Variants in POU6F2 observed in about 807,000 individuals in gnomAD.
POU6F2 encodes POU domain, class 6, transcription factor 2.
In POU6F2, 31 loss-of-function variants were observed where a neutral mutation model predicts 71.3. The ratio of observed to expected loss-of-function variants is 0.43; its 90% CI spans 0.33 to 0.59. The LOEUF (loss-of-function observed/expected upper bound fraction) is 0.59. Ranked by LOEUF, POU6F2 falls within the 20% of genes least tolerant of loss-of-function variation. The probability of loss-of-function intolerance (pLI) is 0.04; values close to 1 mark genes in which losing one functional copy is unlikely to be tolerated. For missense variants in POU6F2, 783 were observed against 856.8 expected (o/e 0.91, Z 1.07); for synonymous variants, 347 against 355.7 (o/e 0.98, Z 0.27).
At chr7:39,311,111 C>G (rs1048044103) in intron 4 of POU6F2, among the ~76,000 whole-genome samples, 5 of 151,890 alleles carry the variant, frequency 3.3e-5, no homozygotes, top group Admixed American at 1.3e-4. Context: ...GTGGCTGTCT[C>G]CTCCTCCTCA....
At chr7:39,226,893 G>A (rs981813461) in intron 4 of POU6F2, among the ~76,000 whole-genome samples, 5 of 152,114 alleles carry the variant, frequency 3.3e-5, no homozygotes, top group African/African-American at 4.8e-5. Context: ...AATGAGTTGC[G>A]GGCTTAATTT....
chr7:39,230,032 CA>C (rs1794546288), intron 4 of POU6F2, among the ~76,000 whole-genome samples: 2 of 152,188 alleles, frequency 1.3e-5, no homozygotes, highest in African/African-American at 2.4e-5. Context: ...GAGATTTTTC[CA>C]AAATAATAAA....
At chr7:38,999,845 G>A (rs570936905) in intron 1 of POU6F2, among the ~76,000 whole-genome samples, 11 of 152,208 alleles carry the variant, frequency 7.2e-5, no homozygotes, top group African/African-American at 2.6e-4. Flanking sequence ...TTTTGAAAAG[G>A]GGATCAATTC....
intron 1 of POU6F2, among the ~76,000 whole-genome samples, chr7:38,996,551 C>T (rs1164285280): frequency 3.9e-5 from 6 of 152,134 alleles, no homozygotes; most frequent in African/African-American, 1.4e-4. Flanking sequence ...CAGCCTTGAC[C>T]ACTTTTTTAG....
intron 1 of POU6F2, among the ~76,000 whole-genome samples, chr7:39,047,653 T>A (rs774254557): frequency 6.6e-6 from 1 of 151,862 alleles, no homozygotes; most frequent in African/African-American, 2.4e-5. Context: ...ACAAAAAAAA[T>A]TGTTTTTGAC....
intron 5 of POU6F2, among the ~76,000 whole-genome samples, chr7:39,347,932 C>T (rs1786061786): frequency 7.0e-6 from 1 of 143,354 alleles, no homozygotes; most frequent in South Asian, 2.2e-4. Flanking sequence ...GTGCCCAGCC[C>T]ATCAATATTA....
chr7:39,289,629 TCAA>T (rs1034187361), intron 4 of POU6F2, among the ~76,000 whole-genome samples: 2 of 152,230 alleles, frequency 1.3e-5, no homozygotes, highest in Admixed American at 6.5e-5. Flanking sequence ...TCTTGATCAT[TCAA>T]CAACATCAAA....
intron 4 of POU6F2, among the ~76,000 whole-genome samples, chr7:39,240,041 C>A (rs1384931263): frequency 6.6e-6 from 1 of 152,072 alleles, no homozygotes; most frequent in Non-Finnish European, 1.5e-5. Flanking sequence ...ATGAGGGTTT[C>A]TTTGAAGGAC....
intron 4 of POU6F2, among the ~76,000 whole-genome samples, chr7:39,231,346 C>T (rs1341158373): frequency 6.6e-6 from 1 of 152,134 alleles, no homozygotes; most frequent in African/African-American, 2.4e-5. Context: ...ATGGAATTAA[C>T]TTCCAGGAAA....
chr7:39,377,216 C>T (rs944781356), intron 5 of POU6F2, among the ~76,000 whole-genome samples: 20 of 150,300 alleles, frequency 1.3e-4, no homozygotes, highest in Non-Finnish European at 2.4e-4. Flanking sequence ...CTGCAGCCTC[C>T]GCCTCCCGGG....
intron 2 of POU6F2, among the ~76,000 whole-genome samples, chr7:39,128,900 A>G (rs1432383468): frequency 6.6e-6 from 1 of 152,218 alleles, no homozygotes; most frequent in East Asian, 1.9e-4. Flanking sequence ...CAGTGGGAGT[A>G]TATTAGACTC....
At chr7:39,029,682 A>C (rs990475195) in intron 1 of POU6F2, among the ~76,000 whole-genome samples, 1 of 152,186 alleles carries the variant, frequency 6.6e-6, no homozygotes, top group African/African-American at 2.4e-5. Flanking sequence ...TCGTTATAGA[A>C]TTCCTTTAAA....
intron 1 of POU6F2, among the ~76,000 whole-genome samples, chr7:39,014,364 G>C (rs1284404858): frequency 6.6e-6 from 1 of 152,144 alleles, no homozygotes; most frequent in African/African-American, 2.4e-5. Context: ...GTTTTCAGGA[G>C]AGCAGATGCT....
chr7:39,023,474 G>A (rs569323838), intron 1 of POU6F2, among the ~76,000 whole-genome samples: 2 of 152,152 alleles, frequency 1.3e-5, no homozygotes, highest in South Asian at 4.1e-4. Flanking sequence ...CTTGGAGAGA[G>A]AAGACTAGGA....
chr7:39,278,110 G>GGGAGGGTGGGA (rs1562774089), intron 4 of POU6F2, among the ~76,000 whole-genome samples: 1 of 60,414 alleles, frequency 1.7e-5, no homozygotes, highest in Non-Finnish European at 3.4e-5. Context: ...GGAGGGAGGG[G>GGGAGGGTGGGA]GGGAGGGAGG....
chr7:39,207,274 T>C, intron 3 of POU6F2, 118 bp from the exon 4 acceptor site: 3 of 886,306 alleles, frequency 3.4e-6, no homozygotes, highest in Non-Finnish European at 5.1e-6. Context: ...AGATAGGGCA[T>C]GTTTTTTGGT....
At chr7:39,351,617 T>A (rs1161584131) in intron 5 of POU6F2, among the ~76,000 whole-genome samples, 1 of 152,188 alleles carries the variant, frequency 6.6e-6, no homozygotes, top group Non-Finnish European at 1.5e-5. Flanking sequence ...AAACTTTTAT[T>A]TGCATATGGA....
At chr7:39,063,041 G>C (rs1421714761) in intron 1 of POU6F2, among the ~76,000 whole-genome samples, 1 of 152,034 alleles carries the variant, frequency 6.6e-6, no homozygotes, top group Non-Finnish European at 1.5e-5. Context: ...TGATAGTCTG[G>C]ATAGCTTTCT....
chr7:39,195,415 C>G (rs746214488), intron 2 of POU6F2, among the ~76,000 whole-genome samples: 1 of 152,200 alleles, frequency 6.6e-6, no homozygotes, highest in African/African-American at 2.4e-5. Context: ...TTCTGCATGA[C>G]AGATTAGTAC....
Sources: allele counts gnomAD v4.1 joint callset (sites outside exome capture counted in the v4.1 genomes callset), GRCh38; gene constraint gnomAD v4.1.1; transcripts MANE v1.5; gene names NCBI Gene and HGNC (gene_info 2026-07-23, HGNC 2026-07-21).